The following HIPK2 variants were observed in gnomAD, a reference collection of about 807,000 sequenced individuals.
HIPK2 encodes the protein homeodomain-interacting protein kinase 2.
In HIPK2, 27 loss-of-function variants were observed where a neutral mutation model predicts 113.7. The observed-to-expected ratio is 0.24, with a 90% CI of 0.17 to 0.33. The LOEUF (loss-of-function observed/expected upper bound fraction) is 0.33. Among genes scored for constraint, HIPK2 ranks in the 10% least tolerant of loss-of-function variants. HIPK2 has a pLI of 1.00. For missense variants in HIPK2, 1,257 were observed against 1,588.0 expected (o/e 0.79, Z 3.54); for synonymous variants, 631 against 642.2 (o/e 0.98, Z 0.26).
intron 1 of HIPK2, among the ~76,000 whole-genome samples, chr7:139,761,346 T>C (rs1485839845): frequency 5.3e-5 from 8 of 152,256 alleles, no homozygotes. Flanking sequence ...AGTCACTTGC[T>C]GGTCTCTAGG....
At chr7:139,623,681 G>A (rs1373415779) in intron 6 of HIPK2, among the ~76,000 whole-genome samples, 1 of 152,156 alleles carries the variant, frequency 6.6e-6, no homozygotes, top group Non-Finnish European at 1.5e-5. Context: ...TTGCTTCACT[G>A]ATAGTAAGGC....
intron 2 of HIPK2, among the ~76,000 whole-genome samples, chr7:139,700,817 C>A (rs1238164087): frequency 6.6e-6 from 1 of 152,190 alleles, no homozygotes; most frequent in Non-Finnish European, 1.5e-5. Flanking sequence ...GAAGCCCCAG[C>A]ACATTCCTCA....
In HIPK2 at chr7:139,631,015, C is replaced by A; in HGVS notation, c.1347+150G>T. The A allele has an allele frequency of 4.8e-6, 5 of 1,050,062 alleles. No individual in the cohort carries two copies. The highest frequency in any genetic ancestry group is 3.1e-4 in the Middle Eastern group (1 of 3,184). The allele number at this position is 1,050,062 out of a possible 1,614,324, so 65.0% of individuals were successfully genotyped here. A position where few individuals can be genotyped will look rare whatever the true frequency, so the allele number is the denominator to read the frequency against. Reference sequence around the variant, plus strand: ...GCCAAGGGAAAGAGGGGCTTCTGAGCATTCAGATTCAGCCATACCATGTAT... The same window carrying A: ...GCCAAGGGAAAGAGGGGCTTCTGAGAATTCAGATTCAGCCATACCATGTAT... On this transcript the variant is annotated intron_variant, in intron 4 of 14. Coordinates refer to ENST00000406875, the MANE Select transcript of HIPK2 (RefSeq NM_022740.5). The surrounding 1 kb of genome is among the most constrained non-coding windows in gnomAD (Gnocchi z 4.9).
chr7:139,723,025 G>A (rs891257509), intron 1 of HIPK2, among the ~76,000 whole-genome samples: 7 of 151,398 alleles, frequency 4.6e-5, no homozygotes, highest in East Asian at 1.9e-4. Flanking sequence ...CACCATGCCC[G>A]GCTTCAAACC....
Position 139,568,857 on chromosome 7 carries a change from G to A in HIPK2, c.*4070C>T, listed in dbSNP as rs1432764548. The A allele has an allele frequency of 6.6e-6, 1 of 152,252 alleles. No individual in the cohort carries two copies. Among genetic ancestry groups the A allele is most frequent in the Non-Finnish European group, 1.5e-5 (1 of 68,084 alleles). The allele number at this position is 152,252 out of a possible 1,614,324, so 9.4% of individuals were successfully genotyped here. A position where few individuals can be genotyped will look rare whatever the true frequency, so the allele number is the denominator to read the frequency against. On this transcript the variant is annotated 3_prime_UTR_variant, in exon 15 of 15. Transcript: ENST00000406875. ...TGCATGGGGGTAGAGGAGGCCATTG[G>A]GTGAGGACTAGGAGAATGTGCACTA...
intron 14 of HIPK2, among the ~76,000 whole-genome samples, chr7:139,574,481 C>G (rs535544623): frequency 6.6e-6 from 1 of 152,242 alleles, no homozygotes; most frequent in Non-Finnish European, 1.5e-5. Flanking sequence ...GACAGAGACA[C>G]GGGCTCCACT....
chr7:139,651,867 T>G (rs1019373056), intron 2 of HIPK2, among the ~76,000 whole-genome samples: 17 of 152,202 alleles, frequency 1.1e-4, no homozygotes, highest in African/African-American at 4.1e-4. Flanking sequence ...CAATGTTTGT[T>G]TATGGAGGTC....
rs144607158 is a variant in HIPK2, at chr7:139,713,763, T to C, written c.1103+2169A>G. ...AAGAGCCAGCCTTTGGCATGCTGAA[T>C]TTACCAACCTAAATACGAAGTGGCA... On this transcript the variant is annotated intron_variant, in intron 2 of 14. Transcript: ENST00000406875. 3.0e-3 allele frequency among the ~76,000 whole-genome samples: 457 copies of C among 152,278 alleles called. 2 individuals carry two copies. Among genetic ancestry groups the C allele is most frequent in the African/African-American group, 0.01 (432 of 41,536 alleles).
rs531026210 is a variant in HIPK2, at chr7:139,714,151, C to T, written c.1103+1781G>A. 2.6e-5 allele frequency among the ~76,000 whole-genome samples: 4 copies of T among 152,248 alleles called. No individual in the cohort carries two copies. Among genetic ancestry groups the T allele is most frequent in the East Asian group, 3.9e-4 (2 of 5,168 alleles). ...CGGGGCCTGGTGGTGAAAGCACAGG[C>T]CTGTGGAGACCTTTCTGCGCATAGG... On this transcript the variant is annotated intron_variant, in intron 2 of 14. Transcript: ENST00000406875. The surrounding 1 kb of genome is among the most constrained non-coding windows in gnomAD (Gnocchi z 4.2).
chr7:139,626,865 G>A (rs944070518), intron 5 of HIPK2, 80 bp from the exon 6 acceptor site: 5 of 1,505,072 alleles, frequency 3.3e-6, no homozygotes, highest in Admixed American at 1.7e-5. Flanking sequence ...TTTTTGCCCT[G>A]TAACTTCCTC....
chr7:139,684,662 G>C (rs1794162043), intron 2 of HIPK2, among the ~76,000 whole-genome samples: 1 of 152,174 alleles, frequency 6.6e-6, no homozygotes, highest in Non-Finnish European at 1.5e-5. Flanking sequence ...GGTTGCAGTA[G>C]CCTATGATTG....
chr7:139,596,785 G>T lies in HIPK2; in HGVS notation c.2649C>A (p.Pro883=). Residue 883 remains proline, a synonymous_variant, in exon 12 of 15, where the codon CCC becomes CCA. Coordinates refer to ENST00000406875, the MANE Select transcript of HIPK2 (RefSeq NM_022740.5). ...QTIVIPDTPS[P]TVSVITISSD... ...TGCTGATGGTGATGACGCTGACCGT[G>T]GGGCTGGGAGTGTCGGGAATGACAA... 3.1e-6 allele frequency: 5 copies of T among 1,613,952 alleles called. No individual in the cohort carries two copies. Among genetic ancestry groups the T allele is most frequent in the Non-Finnish European group, 4.2e-6 (5 of 1,179,838 alleles).
rs537011425 is a variant in HIPK2, at chr7:139,562,461, A to G, written c.*10466T>C. ...CTGAATTCATGAGCAGTTGAAAGGTAAACATTTCTGCAGATCCATTCTCTT... is the reference window on the plus strand; with the variant it reads ...CTGAATTCATGAGCAGTTGAAAGGTGAACATTTCTGCAGATCCATTCTCTT... On this transcript the variant is annotated 3_prime_UTR_variant, in exon 15 of 15. Transcript: ENST00000406875. 1 of 152,398 alleles carries G rather than the reference A, an allele frequency of 6.6e-6. No homozygotes were observed. Among genetic ancestry groups the G allele is most frequent in the African/African-American group, 2.4e-5 (1 of 41,588 alleles). The allele number at this position is 152,398 out of a possible 1,614,324, so 9.4% of individuals were successfully genotyped here. A position where few individuals can be genotyped will look rare whatever the true frequency, so the allele number is the denominator to read the frequency against.
rs112625775 is a variant in HIPK2, at chr7:139,693,057, C to T, written c.1103+22875G>A. On this transcript the variant is annotated intron_variant, in intron 2 of 14. Transcript: ENST00000406875. The stretch of plus-strand genomic sequence containing the variant: ...GCATAATGACAACAGTTCCTAACCC[C>T]AAGAGGAACAGAGACCAACCACTGT... Among the ~76,000 whole-genome samples the T allele has an allele frequency of 6.1e-5, 9 of 148,620 alleles. No individual in the cohort carries two copies. In the East Asian group the frequency reaches 1.7e-3, roughly 29 times the overall value.
At chr7:139,772,824 G>T (rs1184290337) in intron 1 of HIPK2, among the ~76,000 whole-genome samples, 1 of 149,398 alleles carries the variant, frequency 6.7e-6, no homozygotes. Context: ...TCGAACTCCT[G>T]ATCCACCCGC....
intron 12 of HIPK2, among the ~76,000 whole-genome samples, chr7:139,586,845 A>T (rs534597773): frequency 4.6e-5 from 7 of 152,134 alleles, no homozygotes; most frequent in Admixed American, 2.0e-4. Flanking sequence ...AAGGACAAAT[A>T]GTTTGTTTGA....
In HIPK2 at chr7:139,679,225, T is replaced by A. The variant is rs368750591; in HGVS notation, c.1103+36707A>T. 1.5e-3 allele frequency among the ~76,000 whole-genome samples: 228 copies of A among 152,336 alleles called. 1 individual carries two copies. Among genetic ancestry groups the A allele is most frequent in the African/African-American group, 5.2e-3 (218 of 41,576 alleles). ...TGAATAGGCGTGGTGAGAGAGGGCATCCTTGTCTTGTGCCAGTTTTCAAAG... is the reference window on the plus strand; with the variant it reads ...TGAATAGGCGTGGTGAGAGAGGGCAACCTTGTCTTGTGCCAGTTTTCAAAG... On this transcript the variant is annotated intron_variant, in intron 2 of 14. Coordinates refer to ENST00000406875, the MANE Select transcript of HIPK2 (RefSeq NM_022740.5).
intron 2 of HIPK2, among the ~76,000 whole-genome samples, chr7:139,662,602 T>C (rs1218729333): frequency 1.3e-5 from 2 of 150,790 alleles, no homozygotes; most frequent in Non-Finnish European, 2.9e-5. Flanking sequence ...CCAGGCGAAG[T>C]TTCCTAAAAC....
intron 10 of HIPK2, among the ~76,000 whole-genome samples, chr7:139,602,566 A>T (rs545654771): frequency 6.6e-6 from 1 of 152,308 alleles, no homozygotes; most frequent in South Asian, 2.1e-4. Context: ...GCTGAAAGAC[A>T]AAAGGGAAAA....
Sources: allele counts gnomAD v4.1 joint callset (sites outside exome capture counted in the v4.1 genomes callset), GRCh38; gene constraint gnomAD v4.1.1; non-coding constraint Gnocchi (gnomAD v3.1); transcripts MANE v1.5; gene names NCBI Gene and HGNC (gene_info 2026-07-23, HGNC 2026-07-21).